LOC400499: variants seen among roughly 807,000 people sequenced by gnomAD.
chr16:11,441,181 G>C, the LOC400499 span: 1 of 397,884 alleles, frequency 2.5e-6, no homozygotes, highest in Non-Finnish European at 4.4e-6. Flanking sequence ...GTAGTCCAAA[G>C]ATTGATGGGT....
At chr16:11,452,719 T>C in the LOC400499 span, among the ~76,000 whole-genome samples, 1 of 152,252 alleles carries the variant, frequency 6.6e-6, no homozygotes, top group Non-Finnish European at 1.5e-5. Flanking sequence ...GGTGGCCTCA[T>C]GGGTCATTCA....
At chr16:11,400,969 C>T in the LOC400499 span, among the ~76,000 whole-genome samples, 3 of 152,170 alleles carry the variant, frequency 2.0e-5, no homozygotes, top group African/African-American at 7.2e-5. Context: ...TACCACTAAA[C>T]AAGCAACTAT....
the LOC400499 span, among the ~76,000 whole-genome samples, chr16:11,495,164 G>A: frequency 6.6e-6 from 1 of 150,922 alleles, no homozygotes; most frequent in East Asian, 2.0e-4. Flanking sequence ...AGCTGAGATT[G>A]TACCACTGCA....
the LOC400499 span, among the ~76,000 whole-genome samples, chr16:11,390,947 C>G: frequency 6.6e-6 from 1 of 152,226 alleles, no homozygotes; most frequent in Non-Finnish European, 1.5e-5. Context: ...GGAGAGTACC[C>G]TGGGCACTGG....
the LOC400499 span, among the ~76,000 whole-genome samples, chr16:11,488,460 C>G: frequency 1.3e-5 from 2 of 152,114 alleles, no homozygotes; most frequent in Non-Finnish European, 2.9e-5. Context: ...TACTCTGTCA[C>G]CCACGCTGGA....
At chr16:11,442,438 G>C in the LOC400499 span, 1 of 152,110 alleles carries the variant, frequency 6.6e-6, no homozygotes, top group Non-Finnish European at 1.5e-5. Context: ...GGTCAGGCTG[G>C]TCTCGAACTC....
At chr16:11,404,924 G>C in the LOC400499 span, 2 of 398,748 alleles carry the variant, frequency 5.0e-6, no homozygotes, top group African/African-American at 2.1e-5. Flanking sequence ...CCTGGGATGG[G>C]AAAGAAGAGA....
chr16:11,376,509 AAG>A, the LOC400499 span, among the ~76,000 whole-genome samples: 6 of 152,324 alleles, frequency 3.9e-5, no homozygotes, highest in Admixed American at 1.3e-4. Flanking sequence ...CCACATGTGT[AAG>A]AGTTTCTTTC....
chr16:11,492,952 G>C, the LOC400499 span, among the ~76,000 whole-genome samples: 1 of 152,278 alleles, frequency 6.6e-6, no homozygotes, highest in African/African-American at 2.4e-5. Flanking sequence ...ATGTGAAAAA[G>C]AAAGGCCTGG....
At chr16:11,446,417 T>TG in the LOC400499 span, 2 of 790,702 alleles carry the variant, frequency 2.5e-6, no homozygotes, top group Non-Finnish European at 4.1e-6. Flanking sequence ...CTCAGCCTCC[T>TG]GCGTAGCTAA....
the LOC400499 span, chr16:11,407,387 T>C: frequency 2.5e-6 from 1 of 397,202 alleles, no homozygotes. Context: ...AAGCTCCTCA[T>C]CAGGGCTCTG....
the LOC400499 span, chr16:11,448,940 C>T: frequency 2.9e-3 from 4,349 of 1,490,142 alleles, 24 homozygotes; most frequent in Middle Eastern, 0.02. Flanking sequence ...GCCTGTAGGC[C>T]GCTGTTAGGT....
chr16:11,443,427 C>T, the LOC400499 span: 28 of 414,814 alleles, frequency 6.8e-5, no homozygotes, highest in African/African-American at 5.5e-4. Flanking sequence ...AGTCATTGCA[C>T]TCCAGACTCC....
chr16:11,392,649 C>A, the LOC400499 span: 3 of 646,902 alleles, frequency 4.6e-6, no homozygotes, highest in East Asian at 1.0e-4. Context: ...CCTAGAGCAA[C>A]CACCTGAGCC....
the LOC400499 span, among the ~76,000 whole-genome samples, chr16:11,523,746 C>T: frequency 6.6e-6 from 1 of 152,016 alleles, no homozygotes; most frequent in Non-Finnish European, 1.5e-5. Flanking sequence ...TTCCACATCC[C>T]TCATCACTAC....
chr16:11,497,983 C>T, the LOC400499 span, among the ~76,000 whole-genome samples: 1 of 152,056 alleles, frequency 6.6e-6, no homozygotes, highest in East Asian at 1.9e-4. Context: ...AACCTGTGAC[C>T]CTTATTAAGC....
chr16:11,460,149 G>C, the LOC400499 span: 2 of 1,113,502 alleles, frequency 1.8e-6, no homozygotes, highest in Non-Finnish European at 2.3e-6. Flanking sequence ...ATATCAGCCT[G>C]GTTTTCAGAA....
chr16:11,446,865 C>A, the LOC400499 span: 1 of 1,536,082 alleles, frequency 6.5e-7, no homozygotes, highest in Admixed American at 2.0e-5. Flanking sequence ...CTGTGAAGGT[C>A]TCCTGCAGGA....
At chr16:11,493,666 C>T in the LOC400499 span, 2 of 397,292 alleles carry the variant, frequency 5.0e-6, no homozygotes, top group Non-Finnish European at 8.9e-6. Context: ...GGGGACCCTT[C>T]GGAAGGCCTG....
Sources: allele counts gnomAD v4.1 joint callset (sites outside exome capture counted in the v4.1 genomes callset), GRCh38; gene constraint gnomAD v4.1.1; transcripts MANE v1.5.